Variants in PRKCQ observed in about 807,000 individuals in gnomAD.
PRKCQ encodes protein kinase C theta type.
Under a neutral mutation model 91.2 loss-of-function variants are expected in PRKCQ, and 41 were observed. That is an observed-to-expected ratio of 0.45 (90% CI 0.35 to 0.58). The LOEUF (loss-of-function observed/expected upper bound fraction) is 0.58, where lower values mean the gene tolerates loss of function less well. Among genes scored for constraint, PRKCQ ranks in the 20% least tolerant of loss-of-function variants. The pLI is 0.00. For synonymous variants in PRKCQ, 307 were observed against 316.9 expected (o/e 0.97, Z 0.33); for missense variants, 673 against 896.5 (o/e 0.75, Z 3.18).
At chr10:6,544,899 C>T (rs1348396828) in intron 1 of PRKCQ, among the ~76,000 whole-genome samples, 2 of 152,106 alleles carry the variant, frequency 1.3e-5, no homozygotes, top group African/African-American at 4.8e-5. Flanking sequence ...GGATTACAGG[C>T]GTGAGCCACT....
intron 16 of PRKCQ, among the ~76,000 whole-genome samples, chr10:6,432,383 G>A (rs149994531): frequency 5.9e-5 from 9 of 152,070 alleles, no homozygotes; most frequent in East Asian, 1.9e-4. Context: ...AAGTTTTTTC[G>A]CTTTTTTAAA....
intron 1 of PRKCQ, among the ~76,000 whole-genome samples, chr10:6,536,359 T>C (rs781136574): frequency 2.0e-4 from 30 of 152,278 alleles, no homozygotes; most frequent in Middle Eastern, 3.4e-3. Flanking sequence ...GGCTATGCCC[T>C]TGACTGCCTG....
intron 15 of PRKCQ, among the ~76,000 whole-genome samples, chr10:6,455,989 A>G (rs747681708): frequency 6.6e-6 from 1 of 152,236 alleles, no homozygotes; most frequent in Non-Finnish European, 1.5e-5. Context: ...GCCATGGGAA[A>G]GACCAAGTGG....
intron 1 of PRKCQ, among the ~76,000 whole-genome samples, chr10:6,543,516 C>A (rs990342382): frequency 4.6e-5 from 7 of 152,194 alleles, no homozygotes; most frequent in Non-Finnish European, 7.3e-5. Context: ...AGAGTTCAGG[C>A]ATCATTCTAA....
chr10:6,412,814 G>A, the PRKCQ span, among the ~76,000 whole-genome samples: 2 of 152,214 alleles, frequency 1.3e-5, no homozygotes, highest in East Asian at 1.9e-4. Flanking sequence ...AGTGACTTGA[G>A]TTATTGATCC....
At chr10:6,563,524 T>C (rs1033421192) in intron 1 of PRKCQ, among the ~76,000 whole-genome samples, 1 of 152,184 alleles carries the variant, frequency 6.6e-6, no homozygotes, top group Admixed American at 6.5e-5. Context: ...TTTTCTGCTT[T>C]ACTTTCTATG....
At chr10:6,487,723 C>T (rs117031020) in intron 8 of PRKCQ, among the ~76,000 whole-genome samples, 1,640 of 152,114 alleles carry the variant, frequency 0.011, 7 homozygotes, top group Middle Eastern at 0.024. Flanking sequence ...AAAGGCCAGG[C>T]GTGGTGGCTC....
intron 14 of PRKCQ, among the ~76,000 whole-genome samples, chr10:6,458,258 T>G (rs1243684345): frequency 7.9e-5 from 12 of 152,102 alleles, no homozygotes. Flanking sequence ...TAGGTCAATA[T>G]GGGAAAGGTT....
In PRKCQ at chr10:6,485,289, T is replaced by A; in HGVS notation, c.901-20A>T. ...GCGAGCCTGGATGACAAACAGAGAG[T>A]CAGACCACCCACCCACCCACCATTG... On this transcript the variant is annotated intron_variant, in intron 9 of 17. Transcript: ENST00000263125. 1 of 1,595,354 alleles carries A rather than the reference T, an allele frequency of 6.3e-7. No homozygotes were observed. The highest frequency in any genetic ancestry group is 8.6e-7 in the Non-Finnish European group (1 of 1,163,950).
intron 8 of PRKCQ, 38 bp downstream of exon 8, chr10:6,491,645 G>A: frequency 6.2e-7 from 1 of 1,611,286 alleles, no homozygotes; most frequent in South Asian, 1.1e-5. Flanking sequence ...CCCCTAGGGG[G>A]TCCACGTCGG....
Position 6,456,726 on chromosome 10 carries a change from C to T in PRKCQ, c.1595G>A (p.Gly532Glu). ...ACAGAAGGTATTCGTCTTGGCATCT[C>T]CTAACATGTTCTCCTTGCACATTCC... Reference protein sequence around the residue: ...DFGMCKENMLGDAKTNTFCGT... With the variant: ...DFGMCKENMLEDAKTNTFCGT... Residue 532 changes from glycine (G) to glutamate (E), a missense_variant, in exon 15 of 18, where the codon GGA becomes GAA. Coordinates refer to ENST00000263125, the MANE Select transcript of PRKCQ (RefSeq NM_006257.5). 9 of 1,614,182 alleles carry T rather than the reference C, an allele frequency of 5.6e-6. No individual in the cohort carries two copies. The highest frequency in any genetic ancestry group is 7.6e-6 in the Non-Finnish European group (9 of 1,180,028).
At chr10:6,423,524 G>A (rs934240686), downstream of PRKCQ, among the ~76,000 whole-genome samples, 28 of 152,288 alleles carry the variant, frequency 1.8e-4, no homozygotes, top group Admixed American at 5.2e-4. Context: ...CTGAGTCAGA[G>A]AGAGGAATAA....
intron 4 of PRKCQ, among the ~76,000 whole-genome samples, chr10:6,503,960 T>C (rs1048590543): frequency 2.6e-5 from 4 of 152,118 alleles, no homozygotes; most frequent in African/African-American, 9.7e-5. Flanking sequence ...AATTTTCTTG[T>C]AGAGATGGGG....
chr10:6,528,849 A>G (rs1438161856), intron 1 of PRKCQ, among the ~76,000 whole-genome samples: 1 of 152,238 alleles, frequency 6.6e-6, no homozygotes, highest in African/African-American at 2.4e-5. Flanking sequence ...TGCAAAGGAC[A>G]TGTTATGACT....
chr10:6,497,371 A>C lies in PRKCQ; in HGVS notation c.543-120T>G. 1 of 1,166,254 alleles carries C rather than the reference A, an allele frequency of 8.6e-7. No individual in the cohort carries two copies. Among genetic ancestry groups the C allele is most frequent in the Non-Finnish European group, 1.3e-6 (1 of 783,690 alleles). The allele number at this position is 1,166,254 out of a possible 1,614,324, so 72.2% of individuals were successfully genotyped here. Reference sequence around the variant, plus strand: ...GATCACAGAGCAGTTTCTGATCAGCAGCCCTGTTGTATCATTTGCCAAGAG... The same window carrying C: ...GATCACAGAGCAGTTTCTGATCAGCCGCCCTGTTGTATCATTTGCCAAGAG... On this transcript the variant is annotated intron_variant, in intron 5 of 17. Transcript: ENST00000263125. The surrounding 1 kb of genome is among the most constrained non-coding windows in gnomAD (Gnocchi z 4.5).
chr10:6,545,809 G>A (rs750171117), intron 1 of PRKCQ, among the ~76,000 whole-genome samples: 1 of 152,116 alleles, frequency 6.6e-6, no homozygotes, highest in Non-Finnish European at 1.5e-5. Context: ...TGAGGAGTTC[G>A]AGACCAGCCT....
intron 8 of PRKCQ, among the ~76,000 whole-genome samples, chr10:6,489,144 G>T (rs1029027235): frequency 1.3e-5 from 2 of 151,664 alleles, no homozygotes; most frequent in African/African-American, 4.9e-5. Context: ...CCACATTGTC[G>T]GCAAAACTCG....
At chr10:6,419,289 T>C in the PRKCQ span, among the ~76,000 whole-genome samples, 1 of 152,244 alleles carries the variant, frequency 6.6e-6, no homozygotes, top group Non-Finnish European at 1.5e-5. Flanking sequence ...ATTAAGTGTT[T>C]GTGTATTCAA....
downstream of PRKCQ, among the ~76,000 whole-genome samples, chr10:6,426,622 A>T (rs1319185425): frequency 2.0e-5 from 3 of 152,174 alleles, no homozygotes; most frequent in South Asian, 4.2e-4. Context: ...GTGTCTATTT[A>T]AAAAAAATCA....
Sources: allele counts gnomAD v4.1 joint callset (sites outside exome capture counted in the v4.1 genomes callset), GRCh38; gene constraint gnomAD v4.1.1; non-coding constraint Gnocchi (gnomAD v3.1); transcripts MANE v1.5; gene names NCBI Gene and HGNC (gene_info 2026-07-23, HGNC 2026-07-21).